Variants in NARS1 observed in about 807,000 individuals in gnomAD.
The protein encoded by NARS1 is asparagine--tRNA ligase, cytoplasmic.
In NARS1, 65 loss-of-function variants were observed where a neutral mutation model predicts 79.2. That is an observed-to-expected ratio of 0.82 (90% CI 0.67 to 1.01). The LOEUF (loss-of-function observed/expected upper bound fraction) is 1.01, where lower values mean the gene tolerates loss of function less well. NARS1 is among the 50% of genes least tolerant of loss of function. The pLI, the probability that NARS1 is intolerant of heterozygous loss-of-function variation, is 0.00. For missense variants in NARS1, 649 were observed against 673.8 expected, an observed-to-expected ratio of 0.96 and a Z score of 0.41; for synonymous variants, 229 against 238.8, an observed-to-expected ratio of 0.96 and a Z score of 0.38.
chr18:57,613,657 T>G lies in NARS1; in HGVS notation c.366A>C (p.Gly122=). ...ACACCTTTACTCTTTGGCCTCTATA[T>G]CCTTCTAACGCACCAATCTTCACCT... is the stretch of plus-strand genomic sequence containing the variant. The part of the protein sequence containing the change: ...PKCVKIGALE[G]YRGQRVKVFG... The change falls in exon 5 of 14, where the codon GGA becomes GGC. Residue 122 remains glycine (G), a synonymous_variant. Coordinates refer to ENST00000256854, the MANE Select transcript of NARS1 (RefSeq NM_004539.4). 6.2e-7 allele frequency: 1 copy of G among 1,614,148 alleles called. No homozygotes were observed. Among genetic ancestry groups the G allele is most frequent in the South Asian group, 1.1e-5 (1 of 91,082 alleles).
Position 57,620,630 on chromosome 18 carries a change from C to T in NARS1, c.32G>A (p.Arg11Gln), listed in dbSNP as rs771435243. 4.3e-5 allele frequency: 69 copies of T among 1,613,456 alleles called. No individual in the cohort carries two copies. The highest frequency in any genetic ancestry group is 5.4e-5 in the Non-Finnish European group (64 of 1,179,622). MVLAELYVSD[R>Q]EGSDATGDGT... Reference sequence around the variant, plus strand: ...ATCTCCCGTGGCATCGCTTCCCTCTCGGTCAGAGACGTACAGCTCTGCTGT... The same window carrying T: ...ATCTCCCGTGGCATCGCTTCCCTCTTGGTCAGAGACGTACAGCTCTGCTGT... Residue 11 changes from arginine (R) to glutamine (Q), a missense_variant, in exon 2 of 14, where the codon CGA becomes CAA. Arg to Gln is a conservative substitution (Grantham distance 43). Transcript: ENST00000256854.
chr18:57,603,778 C>G (rs112376687), intron 11 of NARS1, among the ~76,000 whole-genome samples: 1 of 136,922 alleles, frequency 7.3e-6, no homozygotes, highest in Non-Finnish European at 1.7e-5. Context: ...TCCTCGGAGA[C>G]GCCGAGAGGT....
Position 57,601,422 on chromosome 18 carries a change from C to T in NARS1, c.*230G>A. The T allele has an allele frequency of 2.7e-6, 1 of 371,070 alleles. No homozygotes were observed. Among genetic ancestry groups the T allele is most frequent in the Non-Finnish European group, 4.9e-6 (1 of 205,732 alleles). The allele number at this position is 371,070 out of a possible 1,614,324, so 23.0% of individuals were successfully genotyped here. A position where few individuals can be genotyped will look rare whatever the true frequency, so the allele number is the denominator to read the frequency against. ...TACAGTTTCATGCCAGGTATTTTCC[C>T]CGAACTTTGTTTCCCGAACTTAAGA... On this transcript the variant is annotated 3_prime_UTR_variant, in exon 14 of 14. Transcript: ENST00000256854.
At chr18:57,607,704 A>C (rs2051571228) in intron 7 of NARS1, 39 bp from the exon 8 acceptor site, 1 of 1,506,158 alleles carries the variant, frequency 6.6e-7, no homozygotes, top group Admixed American at 2.2e-5. Context: ...AAAGAGGGAA[A>C]AGGAAATAAA....
intron 13 of NARS1, 148 bp downstream of exon 13, chr18:57,602,207 T>C: frequency 1.4e-6 from 1 of 720,590 alleles, no homozygotes; most frequent in African/African-American, 1.8e-5. Context: ...GCTGGCAATA[T>C]TCACACACCA....
In NARS1 at chr18:57,601,235, AAAAT is replaced by A. The variant is rs2051502282; in HGVS notation, c.*413_*416del. ...TTTTGTTTTAATTCATTGATGCAATAAAATAAATCAAAGAATTCAAGGTACACTT... is the reference window on the plus strand; with the variant it reads ...TTTTGTTTTAATTCATTGATGCAATAAAATCAAAGAATTCAAGGTACACTT... On this transcript the variant is annotated 3_prime_UTR_variant, in exon 14 of 14. Transcript: ENST00000256854. The A allele has an allele frequency of 6.5e-6, 1 of 154,104 alleles. No individual in the cohort carries two copies. Among genetic ancestry groups the A allele is most frequent in the African/African-American group, 2.4e-5 (1 of 41,486 alleles). The allele number at this position is 154,104 out of a possible 1,614,324, so 9.5% of individuals were successfully genotyped here.
In NARS1 at chr18:57,607,236, G is replaced by A. The variant is rs2051565725; in HGVS notation, c.899C>T (p.Ser300Phe). Reference sequence around the variant, plus strand: ...GAGGCAGGTCTCCAAGTACAACTGAGAGGATTGAGTCAAAAATGCCTCTTC... The same window carrying A: ...GAGGCAGGTCTCCAAGTACAACTGAAAGGATTGAGTCAAAAATGCCTCTTC... ...FGEEAFLTQS[S>F]QLYLETCLPA... The change falls in exon 9 of 14, where the codon TCT becomes TTT. Residue 300 changes from serine to phenylalanine, a missense_variant. Ser to Phe is a radical substitution (Grantham distance 155). Transcript: ENST00000256854. 6.2e-7 allele frequency: 1 copy of A among 1,614,120 alleles called. No individual in the cohort carries two copies. The highest frequency in any genetic ancestry group is 8.5e-7 in the Non-Finnish European group (1 of 1,180,004).
At chr18:57,621,681 C>T (rs776646115) in intron 1 of NARS1, 27 bp downstream of exon 1, 1 of 1,608,788 alleles carries the variant, frequency 6.2e-7, no homozygotes, top group Non-Finnish European at 8.5e-7. Flanking sequence ...GCAGGGAACA[C>T]CGCGCCATAC....
chr18:57,601,721 C>G lies in NARS1; in HGVS notation c.1578G>C (p.Trp526Cys). Reference protein sequence around the residue: ...YGLGLERFLTWILNRYHIRDV... With the variant: ...YGLGLERFLTCILNRYHIRDV... ...CTCGGATGTGATACCTATTCAGAATCCACGTTAAGAATCGTTCCAAGCCCA... is the reference window on the plus strand; with the variant it reads ...CTCGGATGTGATACCTATTCAGAATGCACGTTAAGAATCGTTCCAAGCCCA... The change falls in exon 14 of 14, where the codon TGG becomes TGC. Residue 526 changes from tryptophan (W) to cysteine (C), a missense_variant. By Grantham distance (215) the Trp-to-Cys change is radical. Transcript: ENST00000256854. The G allele has an allele frequency of 6.2e-7, 1 of 1,613,590 alleles. No homozygotes were observed. Among genetic ancestry groups the G allele is most frequent in the Non-Finnish European group, 8.5e-7 (1 of 1,179,568 alleles).
Position 57,609,339 on chromosome 18 carries a change from G to A in NARS1, c.579+18C>T, listed in dbSNP as rs376027765. ...AATAAACTATTCATTCACCCAGTGC[G>A]AAACTCAATCCACTCACCTGCTTGC... On this transcript the variant is annotated intron_variant, in intron 7 of 13. Transcript: ENST00000256854. 182 of 1,593,512 alleles carry A rather than the reference G, an allele frequency of 1.1e-4. No individual in the cohort carries two copies. Among genetic ancestry groups the A allele is most frequent in the Non-Finnish European group, 1.4e-4 (166 of 1,162,764 alleles).
At position 57,607,145 on chromosome 18, in the gene NARS1, C is replaced by T. The variant is rs147517366; in HGVS notation, c.990G>A (p.Arg330=). Reference sequence around the variant, plus strand: ...AGACAACTTCATACTCAGCCAGGTGCCTTCGTGTTCTGGACTGCTCTGCCC... The same window carrying T: ...AGACAACTTCATACTCAGCCAGGTGTCTTCGTGTTCTGGACTGCTCTGCCC... The part of the protein sequence containing the change: ...SYRAEQSRTR[R]HLAEYTHVEA... Residue 330 remains arginine, a synonymous_variant, in exon 9 of 14, where the codon AGG becomes AGA. Coordinates refer to ENST00000256854, the MANE Select transcript of NARS1 (RefSeq NM_004539.4). 53 of 1,612,568 alleles carry T rather than the reference C, an allele frequency of 3.3e-5. No individual in the cohort carries two copies. The African/African-American group carries it at 4.0e-4, about 12-fold the overall frequency.
chr18:57,620,654 G>A lies in NARS1; in HGVS notation c.11-3C>T, dbSNP rs751780251. ...TCGGTCAGAGACGTACAGCTCTGCTGTTTGACAAAATGAGGGTAAGTTATG... is the reference window on the plus strand; with the variant it reads ...TCGGTCAGAGACGTACAGCTCTGCTATTTGACAAAATGAGGGTAAGTTATG... On this transcript the variant is annotated splice_polypyrimidine_tract_variant and splice_region_variant and intron_variant, in intron 1 of 13. Transcript: ENST00000256854. 1 of 1,606,312 alleles carries A rather than the reference G, an allele frequency of 6.2e-7. No individual in the cohort carries two copies. Among genetic ancestry groups the A allele is most frequent in the Middle Eastern group, 1.7e-4 (1 of 6,048 alleles).
chr18:57,601,799 AAG>A lies in NARS1; in HGVS notation c.1516-18_1516-17del, dbSNP rs763697155. The A allele has an allele frequency of 6.2e-7, 1 of 1,611,524 alleles. No homozygotes were observed. Among genetic ancestry groups the A allele is most frequent in the South Asian group, 1.1e-5 (1 of 91,026 alleles). The stretch of plus-strand genomic sequence containing the variant: ...CGTATTTTCTCTGTTTAAAAAAAGA[AAG>A]AAAGAAAGAGGAGTAAATACTTAAG... On this transcript the variant is annotated splice_polypyrimidine_tract_variant and intron_variant, in intron 13 of 13. Transcript: ENST00000256854.
intron 9 of NARS1, 177 bp from the exon 10 acceptor site, chr18:57,606,928 C>A: frequency 1.1e-6 from 1 of 917,242 alleles, no homozygotes; most frequent in Admixed American, 2.9e-5. Context: ...CTTGTTTGCT[C>A]CTTTATATAT....
rs1028928496 is a variant in NARS1, at chr18:57,601,371, G to A, written c.*281C>T. The A allele has an allele frequency of 2.3e-5, 6 of 257,978 alleles. No homozygotes were observed. The highest frequency in any genetic ancestry group is 3.8e-5 in the Non-Finnish European group (5 of 132,658). The allele number at this position is 257,978 out of a possible 1,614,324, so 16.0% of individuals were successfully genotyped here. A position where few individuals can be genotyped will look rare whatever the true frequency, so the allele number is the denominator to read the frequency against. On this transcript the variant is annotated 3_prime_UTR_variant, in exon 14 of 14. Transcript: ENST00000256854. ...AAAATGAATAACTTGGATAAAGTGAGTAAAATGCTGAAATGTATCCCTAAC... is the reference window on the plus strand; with the variant it reads ...AAAATGAATAACTTGGATAAAGTGAATAAAATGCTGAAATGTATCCCTAAC...
rs1908313207 is a variant in NARS1 at position 57,621,728 on chromosome 18, G to T, written c.-11C>A. 1.9e-6 allele frequency: 3 copies of T among 1,613,904 alleles called. No individual in the cohort carries two copies. The highest frequency in any genetic ancestry group is 2.5e-6 in the Non-Finnish European group (3 of 1,179,978). ...CCCACCTAGCACCATGCCTGCAGTG[G>T]CCCTGGTCACCTCCAAGGACACAGA... is the stretch of plus-strand genomic sequence containing the variant. On this transcript the variant is annotated 5_prime_UTR_variant, in exon 1 of 14. Coordinates refer to ENST00000256854, the MANE Select transcript of NARS1 (RefSeq NM_004539.4).
intron 6 of NARS1, among the ~76,000 whole-genome samples, chr18:57,610,503 T>C (rs1231310997): frequency 6.6e-6 from 1 of 152,074 alleles, no homozygotes; most frequent in East Asian, 1.9e-4. Context: ...AACCACACCT[T>C]ACATGCCTCT....
rs1157993073 is a variant in NARS1, at chr18:57,606,598, C to A, written c.1137+18G>T. The A allele has an allele frequency of 1.3e-6, 2 of 1,596,220 alleles. No individual in the cohort carries two copies. Among genetic ancestry groups the A allele is most frequent in the Non-Finnish European group, 1.7e-6 (2 of 1,170,082 alleles). ...AAAAAGGACTGTGACTTTTTCTTTCCATAAACACTGCACCTACCGGGTTGA... is the reference window on the plus strand; with the variant it reads ...AAAAAGGACTGTGACTTTTTCTTTCAATAAACACTGCACCTACCGGGTTGA... On this transcript the variant is annotated intron_variant, in intron 10 of 13. Transcript: ENST00000256854.
rs570333927 is a variant in NARS1, at chr18:57,602,216, C to T, written c.1515+139G>A. Reference sequence around the variant, plus strand: ...AACAAAGCTGGCAATATTCACACACCACATTATAACCTGCAAACTGAATAT... The same window carrying T: ...AACAAAGCTGGCAATATTCACACACTACATTATAACCTGCAAACTGAATAT... On this transcript the variant is annotated intron_variant, in intron 13 of 13. Transcript: ENST00000256854. The T allele has an allele frequency of 2.0e-5, 15 of 761,072 alleles. No individual in the cohort carries two copies. In the East Asian group the frequency reaches 3.9e-4, roughly 20 times the overall value. 47.1% of individuals were successfully genotyped at this position (761,072 alleles called of 1,614,324 possible).
Sources: allele counts gnomAD v4.1 joint callset (sites outside exome capture counted in the v4.1 genomes callset), GRCh38; gene constraint gnomAD v4.1.1; transcripts MANE v1.5; gene names NCBI Gene and HGNC (gene_info 2026-07-23, HGNC 2026-07-21).